Variants in TSHZ2 observed in about 807,000 individuals in gnomAD.
The protein encoded by TSHZ2 is teashirt zinc finger homeobox 2, also known as teashirt homolog 2.
A neutral mutation model predicts 74.4 loss-of-function variants in TSHZ2; 21 were observed. The observed-to-expected ratio is 0.28, with a 90% confidence interval of 0.20 to 0.41. TSHZ2 has a LOEUF of 0.41. Ranked by LOEUF, TSHZ2 falls within the 10% of genes least tolerant of loss-of-function variation. The pLI is 1.00. For synonymous variants in TSHZ2, 540 were observed against 515.3 expected (o/e 1.05, Z -0.65); for missense variants, 1,244 against 1,293.5 (o/e 0.96, Z 0.59).
intron 1 of TSHZ2, among the ~76,000 whole-genome samples, chr20:53,184,293 T>C (rs1988550218): frequency 6.6e-6 from 1 of 152,222 alleles, no homozygotes; most frequent in Non-Finnish European, 1.5e-5. Flanking sequence ...AGCTACCATA[T>C]GGCATATTCT....
At chr20:52,986,215 C>A (rs1301019857) in intron 1 of TSHZ2, among the ~76,000 whole-genome samples, 1 of 151,018 alleles carries the variant, frequency 6.6e-6, no homozygotes. Context: ...CATGGCGAAA[C>A]CCCGTCTCTA....
At chr20:53,386,740 G>A (rs1158158506) in intron 2 of TSHZ2, among the ~76,000 whole-genome samples, 2 of 152,140 alleles carry the variant, frequency 1.3e-5, no homozygotes, top group African/African-American at 4.8e-5. Context: ...GGAAACAGAG[G>A]CCTGCTCCCA....
At chr20:53,385,019 G>T (rs1275211959) in intron 2 of TSHZ2, among the ~76,000 whole-genome samples, 1 of 152,156 alleles carries the variant, frequency 6.6e-6, no homozygotes, top group Non-Finnish European at 1.5e-5. Flanking sequence ...TACTCGGGAG[G>T]CTGAGGCAGG....
chr20:53,210,527 C>T lies in TSHZ2; in HGVS notation c.41-42972C>T, dbSNP rs548026739. ...GAATTCCTGTCAGCATTCAGACGTT[C>T]CTTCTCTCTTTCTCTGCCGTGCCAT... On this transcript the variant is annotated intron_variant, in intron 1 of 2. Transcript: ENST00000371497. 3.3e-5 allele frequency among the ~76,000 whole-genome samples: 5 copies of T among 152,066 alleles called. No homozygotes were observed. The South Asian group carries it at 1.0e-3, about 32-fold the overall frequency.
Position 53,494,440 on chromosome 20 carries a change from T to C in TSHZ2, c.*7305T>C, listed in dbSNP as rs1196560355. ...AAAAAGAAACATTCACAGCGTCCCC[T>C]TGCTGAATAAAAATGACTTTGTTTG... is the stretch of plus-strand genomic sequence containing the variant. On this transcript the variant is annotated 3_prime_UTR_variant, in exon 3 of 3. Coordinates refer to ENST00000371497, the MANE Select transcript of TSHZ2 (RefSeq NM_173485.6). The C allele has an allele frequency of 2.0e-5, 3 of 152,202 alleles. No individual in the cohort carries two copies. The highest frequency in any genetic ancestry group is 1.3e-4 in the Admixed American group (2 of 15,276). The allele number at this position is 152,202 out of a possible 1,614,324, so 9.4% of individuals were successfully genotyped here.
At chr20:53,004,506 A>G (rs567853409) in intron 1 of TSHZ2, among the ~76,000 whole-genome samples, 182 of 152,264 alleles carry the variant, frequency 1.2e-3, no homozygotes, top group African/African-American at 4.1e-3. Flanking sequence ...CTGTCTTTTT[A>G]ATTTTATACC....
chr20:53,416,895 C>G (rs1983273806), intron 2 of TSHZ2, among the ~76,000 whole-genome samples: 2 of 152,216 alleles, frequency 1.3e-5, no homozygotes, highest in South Asian at 4.1e-4. Flanking sequence ...TGGTTCAATC[C>G]TTTGGAGAAT....
At chr20:53,314,287 C>CAAAAAAAAAA (rs5841941) in intron 2 of TSHZ2, among the ~76,000 whole-genome samples, 1 of 131,708 alleles carries the variant, frequency 7.6e-6, no homozygotes. Flanking sequence ...GACTCTGTCT[C>CAAAAAAAAAA]AAAAAAAAAA....
At chr20:53,467,138 A>C (rs1394901621) in intron 2 of TSHZ2, among the ~76,000 whole-genome samples, 1 of 152,240 alleles carries the variant, frequency 6.6e-6, no homozygotes, top group African/African-American at 2.4e-5. Flanking sequence ...AAAATGGTAG[A>C]TATTATGACT....
At chr20:53,385,961 C>T (rs951517840) in intron 2 of TSHZ2, among the ~76,000 whole-genome samples, 6 of 152,188 alleles carry the variant, frequency 3.9e-5, no homozygotes, top group South Asian at 2.1e-4. Flanking sequence ...CCACACCGGA[C>T]GAGGGTGTTA....
At chr20:53,252,617 G>A (rs1990357298) in intron 1 of TSHZ2, among the ~76,000 whole-genome samples, 1 of 152,148 alleles carries the variant, frequency 6.6e-6, no homozygotes, top group African/African-American at 2.4e-5. Context: ...TTTCAGAGAA[G>A]GGAAAGCATG....
chr20:53,256,176 G>A lies in TSHZ2; in HGVS notation c.2718G>A (p.Gln906=), dbSNP rs1732915990. The part of the protein sequence containing the change: ...ISHWLANVKY[Q]LRKTGGTKFL... ...ACTGGCTGGCCAACGTCAAGTACCA[G>A]CTTAGGAAAACGGGCGGGACAAAAT... The change falls in exon 2 of 3, where the codon CAG becomes CAA. Residue 906 remains glutamine, a synonymous_variant. Transcript: ENST00000371497. The surrounding 1 kb of genome is among the most constrained non-coding windows in gnomAD (Gnocchi z 4.3). The A allele has an allele frequency of 6.2e-7, 1 of 1,612,498 alleles. No homozygotes were observed. Among genetic ancestry groups the A allele is most frequent in the African/African-American group, 1.3e-5 (1 of 74,894 alleles).
chr20:53,224,483 A>T (rs1286322674), intron 1 of TSHZ2, among the ~76,000 whole-genome samples: 2 of 152,198 alleles, frequency 1.3e-5, no homozygotes, highest in African/African-American at 4.8e-5. Context: ...AACTGTTCTC[A>T]TGATGTTGTT....
chr20:53,311,702 G>A (rs1978795374), intron 2 of TSHZ2, among the ~76,000 whole-genome samples: 1 of 152,176 alleles, frequency 6.6e-6, no homozygotes, highest in African/African-American at 2.4e-5. Context: ...TAGTTTCCCA[G>A]CAGTTTCCAC....
At position 53,255,699 on chromosome 20, in the gene TSHZ2, A is replaced by G. The variant is rs7265935; in HGVS notation, c.2241A>G (p.Thr747=). 1.2e-3 allele frequency: 1,895 copies of G among 1,598,814 alleles called. 25 individuals carry two copies. The African/African-American group carries it at 0.022, about 18-fold the overall frequency. Residue 747 remains threonine (T), a synonymous_variant, in exon 2 of 3, where the codon ACA becomes ACG. Coordinates refer to ENST00000371497, the MANE Select transcript of TSHZ2 (RefSeq NM_173485.6). This position sits in a 1 kb window ranked among gnomAD's most constrained non-coding sequence, Gnocchi z 4.1. ...MDKPVLSPAS[T]RSASVSRRYL... ...AGCCGGTCTTGAGTCCTGCCTCCACAAGGTCAGCCAGCGTGTCCAGGCGCT... is the reference window on the plus strand; with the variant it reads ...AGCCGGTCTTGAGTCCTGCCTCCACGAGGTCAGCCAGCGTGTCCAGGCGCT...
intron 2 of TSHZ2, among the ~76,000 whole-genome samples, chr20:53,317,844 G>A (rs551422784): frequency 3.9e-5 from 6 of 152,256 alleles, no homozygotes; most frequent in African/African-American, 7.2e-5. Flanking sequence ...TCCCTTACTC[G>A]GTTAATCAGC....
At chr20:53,292,954 G>C (rs1037702212) in intron 2 of TSHZ2, among the ~76,000 whole-genome samples, 1 of 152,176 alleles carries the variant, frequency 6.6e-6, no homozygotes, top group Admixed American at 6.5e-5. Context: ...CAGGAATATG[G>C]AATAATCAGA....
chr20:53,116,475 T>C (rs1358605102), intron 1 of TSHZ2, among the ~76,000 whole-genome samples: 5 of 152,178 alleles, frequency 3.3e-5, no homozygotes, highest in Admixed American at 2.0e-4. Flanking sequence ...GCTCCTTAAG[T>C]GCTACAGGCT....
At position 53,051,479 on chromosome 20, in the gene TSHZ2, A is replaced by G. The variant is rs562179874; in HGVS notation, c.40+78146A>G. The stretch of plus-strand genomic sequence containing the variant: ...CACGCACACACACACACACACACAC[A>G]CACACACACACACACAATTCAGGTG... On this transcript the variant is annotated intron_variant, in intron 1 of 2. Coordinates refer to ENST00000371497, the MANE Select transcript of TSHZ2 (RefSeq NM_173485.6). 4.9e-4 allele frequency among the ~76,000 whole-genome samples: 74 copies of G among 152,068 alleles called. 1 individual carries two copies. The South Asian group carries it at 0.014, about 30-fold the overall frequency.
Sources: gnomAD v4.1 joint callset for allele counts (sites outside exome capture counted in the v4.1 genomes callset) on GRCh38, gnomAD v4.1.1 for gene constraint, Gnocchi (gnomAD v3.1) non-coding constraint, MANE v1.5 for transcripts, NCBI Gene and HGNC (gene_info 2026-07-23, HGNC 2026-07-21) for gene names.